GPBP1L1: variants seen among roughly 807,000 people sequenced by gnomAD.
The protein encoded by GPBP1L1 is vasculin-like protein 1.
In GPBP1L1, 23 loss-of-function variants were observed where a neutral mutation model predicts 52.5. That is an observed-to-expected ratio of 0.44 (90% CI 0.32 to 0.62). The LOEUF is 0.62. GPBP1L1 is among the 20% of genes least tolerant of loss of function. The probability of loss-of-function intolerance (pLI) is 0.06; values close to 1 mark genes in which losing one functional copy is unlikely to be tolerated. For synonymous variants in GPBP1L1, 243 were observed against 203.1 expected (o/e 1.20, Z -1.67); for missense variants, 596 against 579.3 (o/e 1.03, Z -0.30).
chr1:45,651,038 T>G, intron 6 of GPBP1L1: 1 of 476,996 alleles, frequency 2.1e-6, no homozygotes, highest in South Asian at 1.5e-5. Flanking sequence ...TTAATCCAAT[T>G]GGTGGCAAGT....
At chr1:45,673,091 A>C (rs532420724) in intron 2 of GPBP1L1, among the ~76,000 whole-genome samples, 1 of 152,230 alleles carries the variant, frequency 6.6e-6, no homozygotes, top group Non-Finnish European at 1.5e-5. Flanking sequence ...GATGCAGCTG[A>C]TACAGAAAAC....
intron 2 of GPBP1L1, among the ~76,000 whole-genome samples, chr1:45,662,999 C>T (rs374884787): frequency 1.9e-4 from 28 of 143,872 alleles, no homozygotes; most frequent in African/African-American, 5.9e-4. Context: ...TACAGTGAGC[C>T]GAGATCCCAC....
At chr1:45,659,722 T>C (rs929133247) in intron 3 of GPBP1L1, among the ~76,000 whole-genome samples, 16 of 152,178 alleles carry the variant, frequency 1.1e-4, no homozygotes, top group African/African-American at 3.9e-4. Context: ...GGTGGATCGC[T>C]TGAGCCCAGC....
chr1:45,650,109 G>C (rs562824415), intron 6 of GPBP1L1, among the ~76,000 whole-genome samples: 1 of 152,240 alleles, frequency 6.6e-6, no homozygotes, highest in African/African-American at 2.4e-5. Context: ...GCTTTTACTG[G>C]ATAATTGGGG....
intron 2 of GPBP1L1, among the ~76,000 whole-genome samples, chr1:45,679,547 A>C (rs1645187127): frequency 6.6e-6 from 1 of 152,176 alleles, no homozygotes; most frequent in Non-Finnish European, 1.5e-5. Context: ...GTGTGCACCC[A>C]ACCTTTCCAG....
At chr1:45,656,662 C>T (rs886965106) in intron 4 of GPBP1L1, among the ~76,000 whole-genome samples, 3 of 151,006 alleles carry the variant, frequency 2.0e-5, no homozygotes, top group Non-Finnish European at 4.4e-5. Flanking sequence ...AAAATACATA[C>T]ATAAGCCTTT....
At chr1:45,666,048 C>G (rs374137769) in intron 2 of GPBP1L1, among the ~76,000 whole-genome samples, 2 of 152,148 alleles carry the variant, frequency 1.3e-5, no homozygotes, top group East Asian at 1.9e-4. Context: ...GCCTTTCCCC[C>G]ACCCCTCAAA....
intron 8 of GPBP1L1, among the ~76,000 whole-genome samples, chr1:45,639,523 T>TA (rs1644641240): frequency 7.4e-6 from 1 of 134,714 alleles, no homozygotes; most frequent in Non-Finnish European, 1.6e-5. Context: ...GGCCAGGAGA[T>TA]AGAGACCAGC....
chr1:45,647,470 T>C (rs1411821394), intron 6 of GPBP1L1, among the ~76,000 whole-genome samples: 1 of 152,226 alleles, frequency 6.6e-6, no homozygotes, highest in African/African-American at 2.4e-5. Context: ...TACCGCTTCT[T>C]AGTCACAAAG....
chr1:45,667,752 T>C (rs1645027446), intron 2 of GPBP1L1, among the ~76,000 whole-genome samples: 1 of 152,216 alleles, frequency 6.6e-6, no homozygotes, highest in South Asian at 2.1e-4. Context: ...TTATGTGCTT[T>C]ACTCTCCAGT....
At position 45,680,496 on chromosome 1, in the gene GPBP1L1, C is replaced by T. The variant is rs1489711207; in HGVS notation, c.-1098+5080G>A. Among the ~76,000 whole-genome samples the T allele has an allele frequency of 2.0e-5, 3 of 152,086 alleles. No individual in the cohort carries two copies. The East Asian group carries it at 5.8e-4, about 29-fold the overall frequency. ...TCATGTGATCCGCCTGCCTCAGCCT[C>T]CCAAAGTGCTGGCATTACAGTTGTG... On this transcript the variant is annotated intron_variant, in intron 2 of 12. Transcript: ENST00000355105.
chr1:45,661,770 T>A (rs572525519), intron 2 of GPBP1L1, among the ~76,000 whole-genome samples: 1 of 152,164 alleles, frequency 6.6e-6, no homozygotes. Flanking sequence ...TGCTTTTTTA[T>A]ATAAAAGCAC....
intron 2 of GPBP1L1, among the ~76,000 whole-genome samples, chr1:45,671,139 T>C (rs181969672): frequency 1.3e-5 from 2 of 151,640 alleles, no homozygotes; most frequent in African/African-American, 4.8e-5. Flanking sequence ...TATTCTGATA[T>C]GTATTAGAGC....
At position 45,660,933 on chromosome 1, in the gene GPBP1L1, T is replaced by C. The variant is rs1644940387; in HGVS notation, c.-805A>G. On this transcript the variant is annotated 5_prime_UTR_variant, in exon 3 of 13. The change creates a new upstream start codon in the 5' untranslated region. Coordinates refer to ENST00000355105, the MANE Select transcript of GPBP1L1 (RefSeq NM_021639.5). ...TCTTGGTATAAAGCTACTAAATGTA[T>C]ATTCTATGTCTTTGGCCTTTACTAT... 1 of 152,272 alleles carries C rather than the reference T, an allele frequency of 6.6e-6. No individual in the cohort carries two copies. The highest frequency in any genetic ancestry group is 6.5e-5 in the Admixed American group (1 of 15,288). The allele number at this position is 152,272 out of a possible 1,614,324, so 9.4% of individuals were successfully genotyped here.
At position 45,661,099 on chromosome 1, in the gene GPBP1L1, A is replaced by T. The variant is rs1644942209; in HGVS notation, c.-971T>A. 1.3e-5 allele frequency: 2 copies of T among 152,206 alleles called. No homozygotes were observed. The highest frequency in any genetic ancestry group is 2.9e-5 in the Non-Finnish European group (2 of 68,022). 9.4% of individuals were successfully genotyped at this position (152,206 alleles called of 1,614,324 possible). A position where few individuals can be genotyped will look rare whatever the true frequency, so the allele number is the denominator to read the frequency against. ...TTTCACTTGTTCTGCTCCTTCCCAA[A>T]ATCTAAATTGAGCCACTGGAAGGAG... is the stretch of plus-strand genomic sequence containing the variant. On this transcript the variant is annotated 5_prime_UTR_variant, in exon 3 of 13. Transcript: ENST00000355105.
intron 11 of GPBP1L1, 119 bp from the exon 12 acceptor site, chr1:45,629,797 T>G (rs1453334798): frequency 1.5e-6 from 1 of 676,898 alleles, no homozygotes; most frequent in Non-Finnish European, 2.6e-6. Context: ...AAGAAGGAAT[T>G]TTGTTTTCCT....
At chr1:45,640,179 A>G (rs1180198614) in intron 8 of GPBP1L1, 31 bp downstream of exon 8, 1 of 1,549,672 alleles carries the variant, frequency 6.5e-7, no homozygotes, top group African/African-American at 1.4e-5. Context: ...CCTCTCTTGT[A>G]TAAGGTTCTT....
intron 6 of GPBP1L1, among the ~76,000 whole-genome samples, chr1:45,646,760 T>TG (rs1284470014): frequency 9.2e-5 from 14 of 152,076 alleles, no homozygotes; most frequent in Non-Finnish European, 1.8e-4. Flanking sequence ...GGTTTCAACA[T>TG]GTTAGTCAGG....
chr1:45,656,708 C>T (rs1644888906), intron 4 of GPBP1L1, among the ~76,000 whole-genome samples: 2 of 151,296 alleles, frequency 1.3e-5, no homozygotes, highest in Admixed American at 1.3e-4. Context: ...CTCAGTCACC[C>T]AGGCTGGAGT....
Sources: gnomAD v4.1 joint callset for allele counts (sites outside exome capture counted in the v4.1 genomes callset) on GRCh38, gnomAD v4.1.1 for gene constraint, MANE v1.5 for transcripts, NCBI Gene and HGNC (gene_info 2026-07-23, HGNC 2026-07-21) for gene names.